SEMA5A: variants seen among roughly 807,000 people sequenced by gnomAD.
The protein encoded by SEMA5A is semaphorin-5A.
Under a neutral mutation model 135.5 loss-of-function variants are expected in SEMA5A, and 55 were observed. That is an observed-to-expected ratio of 0.41 (90% CI 0.33 to 0.51). The LOEUF (loss-of-function observed/expected upper bound fraction) is 0.51, where lower values mean the gene tolerates loss of function less well. Among genes scored for constraint, SEMA5A ranks in the 20% least tolerant of loss-of-function variants. The probability of loss-of-function intolerance (pLI) is 0.37; values close to 1 mark genes in which losing one functional copy is unlikely to be tolerated. For synonymous variants in SEMA5A, 580 were observed against 546.5 expected (o/e 1.06, Z -0.85); for missense variants, 1,290 against 1,419.9 (o/e 0.91, Z 1.47).
At chr5:9,249,733 G>A (rs898512448) in intron 5 of SEMA5A, among the ~76,000 whole-genome samples, 2 of 152,202 alleles carry the variant, frequency 1.3e-5, no homozygotes, top group Non-Finnish European at 1.5e-5. Context: ...TAGGGATCTG[G>A]AGATGGATGA....
intron 2 of SEMA5A, among the ~76,000 whole-genome samples, chr5:9,381,315 AACATAGT>A (rs1229745954): frequency 1.3e-5 from 2 of 152,232 alleles, no homozygotes; most frequent in Non-Finnish European, 1.5e-5. Flanking sequence ...TCAAAAGGCA[AACATAGT>A]ACACAATAAC....
At chr5:9,085,917 A>G (rs1738657732) in intron 16 of SEMA5A, among the ~76,000 whole-genome samples, 1 of 152,196 alleles carries the variant, frequency 6.6e-6, no homozygotes, top group African/African-American at 2.4e-5. Context: ...AGACCATGGA[A>G]ACCCACCTCT....
chr5:9,420,908 T>C (rs1350342409), intron 2 of SEMA5A, among the ~76,000 whole-genome samples: 2 of 152,064 alleles, frequency 1.3e-5, no homozygotes, highest in Non-Finnish European at 2.9e-5. Flanking sequence ...CCCAGCTACT[T>C]GGGAAGCTGA....
At chr5:9,103,295 T>C (rs976537420) in intron 16 of SEMA5A, among the ~76,000 whole-genome samples, 16 of 152,228 alleles carry the variant, frequency 1.1e-4, no homozygotes, top group Admixed American at 7.9e-4. Context: ...AAAAATGTGA[T>C]ATTTTGTAAT....
At chr5:9,434,619 A>G (rs1268770042) in intron 2 of SEMA5A, among the ~76,000 whole-genome samples, 1 of 152,088 alleles carries the variant, frequency 6.6e-6, no homozygotes, top group Admixed American at 6.6e-5. Flanking sequence ...GTCTGTGTTT[A>G]TTTTTAAGAG....
chr5:9,153,611 A>AT (rs1553993641), intron 12 of SEMA5A, among the ~76,000 whole-genome samples: 7 of 150,692 alleles, frequency 4.6e-5, no homozygotes, highest in South Asian at 4.2e-4. Flanking sequence ...GTGGCGGGGG[A>AT]GGGGGGGGTG....
At chr5:9,198,969 C>T (rs1745561890) in intron 9 of SEMA5A, among the ~76,000 whole-genome samples, 1 of 152,108 alleles carries the variant, frequency 6.6e-6, no homozygotes, top group African/African-American at 2.4e-5. Context: ...TCACTGAGAA[C>T]CTACAGATCC....
intron 1 of SEMA5A, among the ~76,000 whole-genome samples, chr5:9,513,068 A>ATATATAT (rs1554044104): frequency 6.7e-4 from 96 of 143,718 alleles, no homozygotes; most frequent in South Asian, 3.5e-3. Context: ...ATATATATAT[A>ATATATAT]ATATATATAT....
chr5:9,043,288 C>A, intron 22 of SEMA5A: 1 of 310,932 alleles, frequency 3.2e-6, no homozygotes, highest in East Asian at 6.9e-5. Context: ...GTAAGAAAAT[C>A]TAAATCTAAA....
intron 3 of SEMA5A, among the ~76,000 whole-genome samples, chr5:9,354,931 G>C (rs2126328166): frequency 6.6e-6 from 1 of 152,314 alleles, no homozygotes; most frequent in Non-Finnish European, 1.5e-5. Context: ...AATTAAGCAA[G>C]AGAAGCAGGA....
intron 5 of SEMA5A, among the ~76,000 whole-genome samples, chr5:9,238,660 C>T (rs1029004357): frequency 1.3e-5 from 2 of 150,878 alleles, no homozygotes; most frequent in Admixed American, 6.6e-5. Flanking sequence ...TGGCCTAGCT[C>T]TCGTGAATAG....
intron 11 of SEMA5A, among the ~76,000 whole-genome samples, chr5:9,162,766 T>C (rs1047146397): frequency 1.3e-5 from 2 of 151,790 alleles, no homozygotes; most frequent in Non-Finnish European, 2.9e-5. Flanking sequence ...CAGTCAAAGA[T>C]ATGATGGATG....
chr5:9,254,864 A>G (rs1748980865), intron 5 of SEMA5A, among the ~76,000 whole-genome samples: 1 of 152,164 alleles, frequency 6.6e-6, no homozygotes, highest in Non-Finnish European at 1.5e-5. Context: ...ACAATTAATA[A>G]AAGATTAGCT....
At chr5:9,378,090 AATAATT>A (rs1010570521) in intron 3 of SEMA5A, among the ~76,000 whole-genome samples, 4 of 152,190 alleles carry the variant, frequency 2.6e-5, no homozygotes, top group African/African-American at 9.7e-5. Flanking sequence ...ATGTATTAAT[AATAATT>A]ATAATAATCA....
At chr5:9,221,464 G>A (rs868800968) in intron 8 of SEMA5A, among the ~76,000 whole-genome samples, 159 of 150,430 alleles carry the variant, frequency 1.1e-3, no homozygotes, top group Middle Eastern at 3.5e-3. Flanking sequence ...CACCACGCCC[G>A]GCTAATTTTT....
At chr5:9,488,873 T>A (rs1734859195) in intron 1 of SEMA5A, among the ~76,000 whole-genome samples, 1 of 152,228 alleles carries the variant, frequency 6.6e-6, no homozygotes, top group Admixed American at 6.5e-5. Context: ...CATATTTTAA[T>A]ATGGACTATT....
intron 3 of SEMA5A, among the ~76,000 whole-genome samples, chr5:9,339,611 GAA>G (rs1753556238): frequency 1.3e-5 from 2 of 151,926 alleles, no homozygotes; most frequent in Non-Finnish European, 2.9e-5. Flanking sequence ...AAGGAAATAA[GAA>G]AAAGAGAAAG....
chr5:9,538,644 G>A (rs1190255810), intron 1 of SEMA5A, among the ~76,000 whole-genome samples: 1 of 152,230 alleles, frequency 6.6e-6, no homozygotes, highest in Non-Finnish European at 1.5e-5. Flanking sequence ...CCAACATTCA[G>A]CGGCGAGGCT....
chr5:9,148,250 T>G (rs1742446633), intron 12 of SEMA5A, among the ~76,000 whole-genome samples: 1 of 152,220 alleles, frequency 6.6e-6, no homozygotes, highest in African/African-American at 2.4e-5. Context: ...ATTAGTGTTA[T>G]TAAGGAACAT....
Sources: allele counts gnomAD v4.1 joint callset (sites outside exome capture counted in the v4.1 genomes callset), GRCh38; gene constraint gnomAD v4.1.1; transcripts MANE v1.5; gene names NCBI Gene and HGNC (gene_info 2026-07-23, HGNC 2026-07-21).